The following CDH13 variants were observed in gnomAD, a reference collection of about 807,000 sequenced individuals.
CDH13 encodes cadherin 13.
CDH13 carries 24 observed loss-of-function variants against 63.8 expected under a neutral mutation model. The observed-to-expected ratio is 0.38, with a 90% confidence interval of 0.27 to 0.53. CDH13 has a LOEUF of 0.53. Among genes scored for constraint, CDH13 ranks in the 20% least tolerant of loss-of-function variants. The pLI is 0.85. For synonymous variants in CDH13, 503 were observed against 355.3 expected (o/e 1.42, Z -4.67); for missense variants, 1,049 against 903.1 (o/e 1.16, Z -2.07).
intron 1 of CDH13, among the ~76,000 whole-genome samples, chr16:82,784,597 GGAA>G (rs1016387159): frequency 1.2e-4 from 18 of 152,218 alleles, no homozygotes; most frequent in Admixed American, 3.9e-4. Context: ...ACCTAGTGAG[GGAA>G]GAAGAAGAAT....
chr16:83,587,171 T>G (rs1446390458), intron 7 of CDH13, among the ~76,000 whole-genome samples: 1 of 152,148 alleles, frequency 6.6e-6, no homozygotes, highest in African/African-American at 2.4e-5. Context: ...ATGGCAAAAT[T>G]TGATTAGGAG....
intron 7 of CDH13, among the ~76,000 whole-genome samples, chr16:83,543,712 C>T (rs2075333625): frequency 6.6e-6 from 1 of 152,166 alleles, no homozygotes; most frequent in South Asian, 2.1e-4. Flanking sequence ...TCCCATTCCC[C>T]AGCTGGGACC....
At chr16:82,957,277 T>C (rs1906263501) in intron 2 of CDH13, among the ~76,000 whole-genome samples, 1 of 152,236 alleles carries the variant, frequency 6.6e-6, no homozygotes, top group Admixed American at 6.5e-5. Flanking sequence ...TATTGGTCTT[T>C]CTTTGGGGGA....
intron 5 of CDH13, among the ~76,000 whole-genome samples, chr16:83,275,550 G>A (rs978692495): frequency 1.4e-5 from 2 of 140,562 alleles, no homozygotes; most frequent in African/African-American, 2.7e-5. Context: ...GAGAGAGATG[G>A]AGAAGATGCA....
At chr16:82,766,871 A>G (rs1396477845) in intron 1 of CDH13, among the ~76,000 whole-genome samples, 1 of 152,224 alleles carries the variant, frequency 6.6e-6, no homozygotes, top group Non-Finnish European at 1.5e-5. Flanking sequence ...CAATATTTTT[A>G]GAAATAATGT....
chr16:83,058,346 C>T (rs2031167225), intron 3 of CDH13, among the ~76,000 whole-genome samples: 1 of 152,212 alleles, frequency 6.6e-6, no homozygotes, highest in South Asian at 2.1e-4. Context: ...GTGGGGTTTT[C>T]TGCGTGTGCC....
At chr16:83,462,714 C>T (rs568666132) in intron 6 of CDH13, among the ~76,000 whole-genome samples, 13 of 152,292 alleles carry the variant, frequency 8.5e-5, no homozygotes, top group African/African-American at 2.4e-4. Flanking sequence ...CAAGATCATG[C>T]CACTGCACTC....
intron 6 of CDH13, among the ~76,000 whole-genome samples, chr16:83,399,038 C>T (rs1489690064): frequency 6.6e-6 from 1 of 152,150 alleles, no homozygotes; most frequent in Non-Finnish European, 1.5e-5. Flanking sequence ...AGCCATAGAC[C>T]ATTCAAATGC....
intron 1 of CDH13, among the ~76,000 whole-genome samples, chr16:82,667,859 A>G (rs560951554): frequency 3.2e-4 from 48 of 152,280 alleles, no homozygotes; most frequent in African/African-American, 7.9e-4. Flanking sequence ...AGCCTTTTCA[A>G]TCTTCTCATG....
At chr16:82,806,983 A>G (rs1293214125) in intron 1 of CDH13, among the ~76,000 whole-genome samples, 1 of 152,174 alleles carries the variant, frequency 6.6e-6, no homozygotes, top group Non-Finnish European at 1.5e-5. Context: ...TATGGGTAGC[A>G]AAGGAAGCAG....
Position 83,304,373 on chromosome 16 carries a change from G to C in CDH13, c.637-40489G>C, listed in dbSNP as rs140938491. On this transcript the variant is annotated intron_variant, in intron 5 of 13. Transcript: ENST00000567109. ...TGGTAATTTTAGAAGGAGTCTGAATGGGACCATATAGCTGGTTAAGTGGGT... is the reference window on the plus strand; with the variant it reads ...TGGTAATTTTAGAAGGAGTCTGAATCGGACCATATAGCTGGTTAAGTGGGT... 1.4e-4 allele frequency among the ~76,000 whole-genome samples: 21 copies of C among 152,300 alleles called. No homozygotes were observed. The East Asian group carries it at 4.1e-3, about 29-fold the overall frequency.
chr16:82,943,626 C>T (rs1352008098), intron 2 of CDH13, among the ~76,000 whole-genome samples: 1 of 152,182 alleles, frequency 6.6e-6, no homozygotes, highest in African/African-American at 2.4e-5. Flanking sequence ...AAACCACCAG[C>T]CCCTATCAAG....
intron 5 of CDH13, among the ~76,000 whole-genome samples, chr16:83,334,094 G>T (rs1469392816): frequency 2.0e-5 from 3 of 151,984 alleles, no homozygotes; most frequent in African/African-American, 7.3e-5. Context: ...CTGGCCTCAT[G>T]GTACCTTTCT....
intron 7 of CDH13, among the ~76,000 whole-genome samples, chr16:83,510,916 C>T (rs1032011806): frequency 2.6e-5 from 4 of 152,236 alleles, no homozygotes; most frequent in Non-Finnish European, 5.9e-5. Flanking sequence ...ACAAAATTTA[C>T]CCTTGAAAAC....
intron 4 of CDH13, among the ~76,000 whole-genome samples, chr16:83,174,280 A>G (rs148420179): frequency 6.0e-4 from 91 of 152,216 alleles, no homozygotes; most frequent in African/African-American, 2.1e-3. Context: ...ATCCCTTCCA[A>G]TTAATGCTGC....
At chr16:82,863,084 G>C (rs2040002883) in intron 2 of CDH13, among the ~76,000 whole-genome samples, 2 of 152,146 alleles carry the variant, frequency 1.3e-5, no homozygotes, top group South Asian at 2.1e-4. Flanking sequence ...AAGAACACAT[G>C]GGTATCGATG....
intron 4 of CDH13, among the ~76,000 whole-genome samples, chr16:83,159,154 G>A (rs2037341008): frequency 1.3e-5 from 2 of 151,576 alleles, no homozygotes; most frequent in African/African-American, 4.9e-5. Context: ...CCACAGTAGA[G>A]GATTGAAAAT....
chr16:83,794,607 C>G (rs1226014460), intron 13 of CDH13, among the ~76,000 whole-genome samples: 1 of 149,924 alleles, frequency 6.7e-6, no homozygotes, highest in East Asian at 1.9e-4. Context: ...TGCTCTGTGA[C>G]TTGTGATCCT....
intron 4 of CDH13, among the ~76,000 whole-genome samples, chr16:83,180,705 T>C (rs956399553): frequency 2.6e-5 from 4 of 152,210 alleles, no homozygotes; most frequent in Non-Finnish European, 5.9e-5. Context: ...GACGTAATTA[T>C]TAGACTATGC....
Sources: gnomAD v4.1 joint callset for allele counts (sites outside exome capture counted in the v4.1 genomes callset) on GRCh38, gnomAD v4.1.1 for gene constraint, MANE v1.5 for transcripts, NCBI Gene and HGNC (gene_info 2026-07-23, HGNC 2026-07-21) for gene names.